The following PTPRT variants were observed in gnomAD, a reference collection of about 807,000 sequenced individuals.
PTPRT encodes protein tyrosine phosphatase receptor type T.
PTPRT carries 56 observed loss-of-function variants against 176.8 expected under a neutral mutation model. That is an observed-to-expected ratio of 0.32 (90% CI 0.26 to 0.40). PTPRT has a LOEUF of 0.40. Ranked by LOEUF, PTPRT falls within the 10% of genes least tolerant of loss-of-function variation. The pLI, the probability that PTPRT is intolerant of heterozygous loss-of-function variation, is 1.00. For missense variants in PTPRT, 1,540 were observed against 1,908.2 expected (o/e 0.81, Z 3.60); for synonymous variants, 783 against 739.0 (o/e 1.06, Z -0.96).
intron 2 of PTPRT, among the ~76,000 whole-genome samples, chr20:42,862,826 G>C (rs1353596358): frequency 6.6e-6 from 1 of 152,160 alleles, no homozygotes; most frequent in African/African-American, 2.4e-5. Context: ...CACCCTCTTA[G>C]GGACTGGGTG....
At chr20:42,539,880 A>G (rs1452662903) in intron 7 of PTPRT, among the ~76,000 whole-genome samples, 2 of 152,192 alleles carry the variant, frequency 1.3e-5, no homozygotes, top group African/African-American at 4.8e-5. Context: ...GAAGATTTGG[A>G]CAATAACAAA....
At chr20:42,104,381 G>A (rs556984732) in intron 25 of PTPRT, among the ~76,000 whole-genome samples, 188 bp downstream of exon 25, 2 of 152,274 alleles carry the variant, frequency 1.3e-5, no homozygotes, top group African/African-American at 2.4e-5. Flanking sequence ...ACGAGAAGAC[G>A]GCTATCTGCA....
chr20:42,285,929 C>T (rs950050116), intron 12 of PTPRT, among the ~76,000 whole-genome samples: 3 of 151,802 alleles, frequency 2.0e-5, no homozygotes, highest in African/African-American at 7.2e-5. Context: ...AGTACTGTTT[C>T]TATACATGAA....
Position 43,078,582 on chromosome 20 carries a change from G to C in PTPRT, c.88+111064C>G, listed in dbSNP as rs114203834. 9.2e-3 allele frequency among the ~76,000 whole-genome samples: 1,405 copies of C among 152,234 alleles called. 38 individuals are homozygous for C. The highest frequency in any genetic ancestry group is 0.032 in the African/African-American group (1,333 of 41,516). ...CACTCTCTAAAATGAAACAACAAATGCAAGGTGGCACGGAGGGCTGGGAAA... is the reference window on the plus strand; with the variant it reads ...CACTCTCTAAAATGAAACAACAAATCCAAGGTGGCACGGAGGGCTGGGAAA... On this transcript the variant is annotated intron_variant, in intron 1 of 30. Transcript: ENST00000373187.
intron 1 of PTPRT, among the ~76,000 whole-genome samples, chr20:42,918,588 A>T (rs1016533085): frequency 1.3e-5 from 2 of 152,126 alleles, no homozygotes; most frequent in African/African-American, 2.4e-5. Context: ...TCCTGTCCCC[A>T]TTGCAACCAC....
chr20:42,350,517 T>C, intron 11 of PTPRT, 111 bp downstream of exon 11: 2 of 928,742 alleles, frequency 2.2e-6, no homozygotes, highest in South Asian at 3.0e-5. Context: ...CGAGGAAGCT[T>C]TGTTCCTGGC....
At chr20:42,789,265 C>T (rs2077338585) in intron 3 of PTPRT, among the ~76,000 whole-genome samples, 2 of 152,172 alleles carry the variant, frequency 1.3e-5, no homozygotes, top group Non-Finnish European at 1.5e-5. Context: ...ATTTTGGATA[C>T]GTTGGTTTAA....
intron 2 of PTPRT, among the ~76,000 whole-genome samples, chr20:42,815,733 AAG>A (rs2077772072): frequency 6.6e-6 from 1 of 152,198 alleles, no homozygotes; most frequent in Non-Finnish European, 1.5e-5. Context: ...CAATCAGGGC[AAG>A]AGAGAGGCTG....
intron 16 of PTPRT, among the ~76,000 whole-genome samples, chr20:42,179,091 AT>A (rs1372390138): frequency 6.6e-6 from 1 of 152,216 alleles, no homozygotes; most frequent in Non-Finnish European, 1.5e-5. Context: ...CATTGGGGCC[AT>A]CTTAAAGTTT....
At chr20:42,931,213 C>T (rs1248449262) in intron 1 of PTPRT, among the ~76,000 whole-genome samples, 2 of 152,174 alleles carry the variant, frequency 1.3e-5, no homozygotes, top group Non-Finnish European at 2.9e-5. Context: ...GTAGGATAAG[C>T]TCTTAAAAGG....
At position 42,074,282 on chromosome 20, in the gene PTPRT, A is replaced by C. The variant is rs1204768718; in HGVS notation, c.*6597T>G. ...TCATAGAGAAGGCCCACTGATTTGTATTCATAAGCCCAAAGGCACTGAAGT... is the reference window on the plus strand; with the variant it reads ...TCATAGAGAAGGCCCACTGATTTGTCTTCATAAGCCCAAAGGCACTGAAGT... On this transcript the variant is annotated 3_prime_UTR_variant, in exon 31 of 31. Coordinates refer to ENST00000373187, the MANE Select transcript of PTPRT (RefSeq NM_007050.6). 1 of 229,674 alleles carries C rather than the reference A, an allele frequency of 4.4e-6. No homozygotes were observed. 14.2% of individuals were successfully genotyped at this position (229,674 alleles called of 1,614,324 possible). A position where few individuals can be genotyped will look rare whatever the true frequency, so the allele number is the denominator to read the frequency against.
intron 6 of PTPRT, among the ~76,000 whole-genome samples, chr20:42,680,763 A>G (rs1366750600): frequency 6.6e-6 from 1 of 152,206 alleles, no homozygotes; most frequent in African/African-American, 2.4e-5. Flanking sequence ...ACCACCAGAA[A>G]GAAAATAAAG....
Position 42,478,198 on chromosome 20 carries a change from T to A in PTPRT, c.1154-5636A>T, listed in dbSNP as rs983581013. Among the ~76,000 whole-genome samples the A allele has an allele frequency of 2.0e-5, 3 of 152,090 alleles. No individual in the cohort carries two copies. The South Asian group carries it at 6.2e-4, about 32-fold the overall frequency. On this transcript the variant is annotated intron_variant, in intron 7 of 30. Transcript: ENST00000373187. The stretch of plus-strand genomic sequence containing the variant: ...TGTGGGGCCCTTGTGGGGAGAGATG[T>A]TGTTGGGTGAAAGGAGAAGGGGGAA...
At chr20:42,700,491 T>C (rs951338176) in intron 6 of PTPRT, among the ~76,000 whole-genome samples, 1 of 152,230 alleles carries the variant, frequency 6.6e-6, no homozygotes, top group Non-Finnish European at 1.5e-5. Flanking sequence ...AGAATGCTAA[T>C]GGCCCATGCA....
chr20:43,111,709 G>A (rs189904833), intron 1 of PTPRT, among the ~76,000 whole-genome samples: 2 of 152,166 alleles, frequency 1.3e-5, no homozygotes, highest in African/African-American at 4.8e-5. Flanking sequence ...GAGGCAGAGA[G>A]CTGGAGTCCT....
chr20:42,368,452 G>A (rs183343175), intron 9 of PTPRT, among the ~76,000 whole-genome samples: 210 of 152,248 alleles, frequency 1.4e-3, no homozygotes, highest in Non-Finnish European at 2.2e-3. Flanking sequence ...GAAACCCATT[G>A]CCCTTCAAGT....
At chr20:42,994,018 T>C (rs1984094326) in intron 1 of PTPRT, among the ~76,000 whole-genome samples, 1 of 152,162 alleles carries the variant, frequency 6.6e-6, no homozygotes, top group Non-Finnish European at 1.5e-5. Flanking sequence ...TTTCATCCAT[T>C]AAGTAACGGG....
In PTPRT at chr20:42,678,149, C is replaced by T. The variant is rs377353753; in HGVS notation, c.870G>A (p.Thr290=). 955 of 1,612,954 alleles carry T rather than the reference C, an allele frequency of 5.9e-4. 7 individuals carry two copies. The highest frequency in any genetic ancestry group is 6.0e-4 in the Admixed American group (36 of 59,970). The change falls in exon 7 of 31, where the codon ACG becomes ACA. Residue 290 remains threonine (T), a synonymous_variant. Coordinates refer to ENST00000373187, the MANE Select transcript of PTPRT (RefSeq NM_007050.6). ...CCAGCAGCTCTGGGGGAGCAATGGG[C>T]GTGGGAGGCTCTGTAAGACAAGCAA... ...YAELIVKEPP[T]PIAPPELLAV...
At chr20:42,713,565 T>G (rs2076178366) in intron 6 of PTPRT, among the ~76,000 whole-genome samples, 1 of 152,212 alleles carries the variant, frequency 6.6e-6, no homozygotes, top group Non-Finnish European at 1.5e-5. Context: ...TGTAAGACTT[T>G]TAACATTTTC....
Sources: gnomAD v4.1 joint callset for allele counts (sites outside exome capture counted in the v4.1 genomes callset) on GRCh38, gnomAD v4.1.1 for gene constraint, MANE v1.5 for transcripts, NCBI Gene and HGNC (gene_info 2026-07-23, HGNC 2026-07-21) for gene names.